The following HDAC9 variants were observed in gnomAD, a reference collection of about 807,000 sequenced individuals.
The protein encoded by HDAC9 is MEF-2 interacting transcription repressor (MITR) protein.
HDAC9 carries 41 observed loss-of-function variants against 139.4 expected under a neutral mutation model. That is an observed-to-expected ratio of 0.29 (90% CI 0.23 to 0.38). The LOEUF is 0.38. HDAC9 is among the 10% of genes least tolerant of loss of function. HDAC9 has a pLI of 1.00. For synonymous variants in HDAC9, 517 were observed against 476.2 expected (o/e 1.09, Z -1.12); for missense variants, 1,147 against 1,297.0 (o/e 0.88, Z 1.78).
At chr7:18,431,183 A>G (rs1192969845) in intron 1 of HDAC9, among the ~76,000 whole-genome samples, 2 of 152,226 alleles carry the variant, frequency 1.3e-5, no homozygotes, top group Non-Finnish European at 2.9e-5. Context: ...TGTGGATACA[A>G]AATAGGAAAA....
At chr7:18,654,537 G>A (rs574778785) in intron 11 of HDAC9, among the ~76,000 whole-genome samples, 2 of 152,162 alleles carry the variant, frequency 1.3e-5, no homozygotes, top group South Asian at 4.1e-4. Flanking sequence ...ATTGAGCAAG[G>A]TGGCAGGGCT....
rs572086351 is a variant in HDAC9, at chr7:18,823,991, G to T, written c.2323-5170G>T. Among the ~76,000 whole-genome samples, 231 of 150,390 alleles carry T rather than the reference G, an allele frequency of 1.5e-3. 1 individual carries two copies. The highest frequency in any genetic ancestry group is 5.5e-3 in the African/African-American group (225 of 40,940). On this transcript the variant is annotated intron_variant, in intron 17 of 25. Transcript: ENST00000686413. Reference sequence around the variant, plus strand: ...AGACCCTGTGAAAGAAGAAGAAGAAGAAGAAGGAGAAGGGGAATGGGAAGG... The same window carrying T: ...AGACCCTGTGAAAGAAGAAGAAGAATAAGAAGGAGAAGGGGAATGGGAAGG...
chr7:18,386,190 A>C (rs1296828237), intron 1 of HDAC9, among the ~76,000 whole-genome samples: 1 of 152,026 alleles, frequency 6.6e-6, no homozygotes, highest in East Asian at 1.9e-4. Flanking sequence ...GCTTGTTTGC[A>C]CCTCTGACAC....
chr7:18,435,982 T>G (rs1302066350), intron 1 of HDAC9, among the ~76,000 whole-genome samples: 1 of 150,070 alleles, frequency 6.7e-6, no homozygotes, highest in Non-Finnish European at 1.5e-5. Context: ...ATGAAATATA[T>G]GTGTGTATTT....
intron 1 of HDAC9, among the ~76,000 whole-genome samples, chr7:18,341,825 G>A (rs76553727): frequency 0.082 from 12,358 of 151,476 alleles, 991 homozygotes; most frequent in African/African-American, 0.21. Context: ...TTACTTTCTT[G>A]GGTCTTGAAA....
At chr7:18,582,202 A>C (rs1828037024) in intron 2 of HDAC9, among the ~76,000 whole-genome samples, 1 of 152,198 alleles carries the variant, frequency 6.6e-6, no homozygotes, top group African/African-American at 2.4e-5. Context: ...TAGTTCCCAA[A>C]CTGGAATCTG....
At position 18,629,357 on chromosome 7, in the gene HDAC9, G is replaced by A; in HGVS notation, c.672G>A (p.Glu224=). 2 of 1,587,800 alleles carry A rather than the reference G, an allele frequency of 1.3e-6. No homozygotes were observed. The highest frequency in any genetic ancestry group is 2.3e-5 in the South Asian group (2 of 87,734). Residue 224 remains glutamate (E), a synonymous_variant, in exon 7 of 26, where the codon GAG becomes GAA. Transcript: ENST00000686413. ...DDFPLRKTAS[E]PNLKVRSRLK... The stretch of plus-strand genomic sequence containing the variant: ...TTTTGTCTCAATCCCCAGCCTCTGA[G>A]CCCAACTTGAAGGTGCGGTCCAGGT...
intron 2 of HDAC9, among the ~76,000 whole-genome samples, chr7:18,542,246 G>T (rs1367116613): frequency 2.0e-5 from 3 of 152,160 alleles, no homozygotes; most frequent in Non-Finnish European, 4.4e-5. Context: ...CTACAGAGGG[G>T]TTAGGAGCAT....
chr7:18,576,971 C>T (rs542570176), intron 2 of HDAC9, among the ~76,000 whole-genome samples: 15 of 152,146 alleles, frequency 9.9e-5, no homozygotes, highest in Non-Finnish European at 1.9e-4. Context: ...GACTCTTTTC[C>T]ATTAGTTTCC....
intron 11 of HDAC9, among the ~76,000 whole-genome samples, chr7:18,650,195 G>A (rs1048518898): frequency 1.3e-5 from 2 of 151,994 alleles, no homozygotes; most frequent in African/African-American, 2.4e-5. Context: ...AAATTATTAG[G>A]TATTCTTGAA....
intron 1 of HDAC9, among the ~76,000 whole-genome samples, chr7:18,385,094 C>A (rs1481852627): frequency 6.6e-6 from 1 of 152,094 alleles, no homozygotes; most frequent in African/African-American, 2.4e-5. Context: ...GTGTGGATGC[C>A]AAAAGTGTTA....
intron 2 of HDAC9, among the ~76,000 whole-genome samples, chr7:18,275,884 C>T (rs1455302638): frequency 6.6e-6 from 1 of 152,136 alleles, no homozygotes; most frequent in Non-Finnish European, 1.5e-5. Flanking sequence ...AGTGTACACT[C>T]TTTATTGTCT....
intron 16 of HDAC9, among the ~76,000 whole-genome samples, chr7:18,792,320 T>C (rs1281371134): frequency 6.6e-6 from 1 of 151,718 alleles, no homozygotes; most frequent in African/African-American, 2.4e-5. Flanking sequence ...CTTTGATCCA[T>C]TTGGGAAGTC....
At chr7:18,368,174 CT>C (rs1192225712) in intron 1 of HDAC9, among the ~76,000 whole-genome samples, 5 of 151,132 alleles carry the variant, frequency 3.3e-5, no homozygotes, top group South Asian at 2.1e-4. Flanking sequence ...TGGATTCAAA[CT>C]TTTTTTTTAA....
chr7:18,395,836 A>G (rs952001386), intron 1 of HDAC9, among the ~76,000 whole-genome samples: 2 of 152,166 alleles, frequency 1.3e-5, no homozygotes, highest in African/African-American at 2.4e-5. Flanking sequence ...GTAGAATTTC[A>G]TGTTGATACC....
chr7:18,179,798 A>T (rs533473563), intron 2 of HDAC9, among the ~76,000 whole-genome samples: 1 of 152,344 alleles, frequency 6.6e-6, no homozygotes, highest in South Asian at 2.1e-4. Context: ...TCATTTGGAA[A>T]ATATGTCATG....
At chr7:18,436,173 A>G (rs1371324268) in intron 1 of HDAC9, among the ~76,000 whole-genome samples, 4 of 152,088 alleles carry the variant, frequency 2.6e-5, no homozygotes, top group Non-Finnish European at 5.9e-5. Flanking sequence ...ATATGTATGT[A>G]CACAACATAC....
chr7:18,945,655 G>A (rs1425250805), intron 23 of HDAC9, among the ~76,000 whole-genome samples: 1 of 152,014 alleles, frequency 6.6e-6, no homozygotes, highest in Non-Finnish European at 1.5e-5. Context: ...TAGTTCATCT[G>A]GCATTGAATA....
At chr7:18,091,104 C>T (rs753856749) in intron 1 of HDAC9, among the ~76,000 whole-genome samples, 2 of 152,158 alleles carry the variant, frequency 1.3e-5, no homozygotes, top group Non-Finnish European at 2.9e-5. Context: ...AATAAGCAGA[C>T]AGTACCAAGA....
Sources: gnomAD v4.1 joint callset for allele counts (sites outside exome capture counted in the v4.1 genomes callset) on GRCh38, gnomAD v4.1.1 for gene constraint, MANE v1.5 for transcripts, NCBI Gene and HGNC (gene_info 2026-07-23, HGNC 2026-07-21) for gene names.